Variants in RBFOX1 observed in about 807,000 individuals in gnomAD.
RBFOX1 encodes RNA binding fox-1 homolog 1, also known as RNA binding protein fox-1 homolog 1.
In RBFOX1, 8 loss-of-function variants were observed where a neutral mutation model predicts 57.7. The ratio of observed to expected loss-of-function variants is 0.14; its 90% CI spans 0.08 to 0.25. RBFOX1 has a LOEUF of 0.25. Ranked by LOEUF, RBFOX1 falls within the 10% of genes least tolerant of loss-of-function variation. The probability of loss-of-function intolerance (pLI) is 1.00; values close to 1 mark genes in which losing one functional copy is unlikely to be tolerated. For synonymous variants in RBFOX1, 326 were observed against 222.4 expected (o/e 1.47, Z -4.15); for missense variants, 611 against 548.5 (o/e 1.11, Z -1.14).
chr16:6,476,013 T>G (rs540347243), intron 2 of RBFOX1, among the ~76,000 whole-genome samples: 1 of 152,182 alleles, frequency 6.6e-6, no homozygotes, highest in Non-Finnish European at 1.5e-5. Flanking sequence ...AACCAAACCT[T>G]GATGCTTTTC....
rs150968354 is a variant in RBFOX1 at position 7,006,257 on chromosome 16, C to T, written c.-15-45800C>T. 2.2e-3 allele frequency among the ~76,000 whole-genome samples: 342 copies of T among 152,176 alleles called. 3 individuals are homozygous for T. The highest frequency in any genetic ancestry group is 7.1e-3 in the African/African-American group (296 of 41,524). ...GCATCCTCTGCCTCCGAGGTCCAAG[C>T]GATTCTCCTGTCTCAGCCTCTCGAG... On this transcript the variant is annotated intron_variant, in intron 3 of 15. Coordinates refer to ENST00000550418, the MANE Select transcript of RBFOX1 (RefSeq NM_018723.4).
chr16:6,752,861 C>G (rs1463128576), intron 3 of RBFOX1, among the ~76,000 whole-genome samples: 1 of 150,464 alleles, frequency 6.6e-6, no homozygotes, highest in Non-Finnish European at 1.5e-5. Context: ...GTCAGCCTCT[C>G]TGCTCACATA....
chr16:5,856,603 A>G (rs186031828), intron 3 of RBFOX1, among the ~76,000 whole-genome samples: 2 of 110,684 alleles, frequency 1.8e-5, no homozygotes, highest in African/African-American at 3.2e-5. Context: ...ATATATATAT[A>G]TAATCTTAGC....
chr16:6,393,450 C>T (rs577308759), intron 2 of RBFOX1, among the ~76,000 whole-genome samples: 1 of 152,272 alleles, frequency 6.6e-6, no homozygotes, highest in South Asian at 2.1e-4. Context: ...CCTGCCCAGT[C>T]CCTATAAAAA....
intron 3 of RBFOX1, among the ~76,000 whole-genome samples, chr16:6,665,975 G>C (rs1455974772): frequency 6.6e-6 from 1 of 152,068 alleles, no homozygotes; most frequent in South Asian, 2.1e-4. Flanking sequence ...TGAATCATGG[G>C]TATGGTTTCC....
chr16:6,367,771 A>C (rs545750980), intron 2 of RBFOX1, among the ~76,000 whole-genome samples: 3 of 150,720 alleles, frequency 2.0e-5, no homozygotes, highest in Non-Finnish European at 4.4e-5. Flanking sequence ...AAATAGGGAA[A>C]ATGATGCCAG....
chr16:7,115,202 T>G (rs909511474), intron 4 of RBFOX1, among the ~76,000 whole-genome samples: 2 of 152,146 alleles, frequency 1.3e-5, no homozygotes, highest in African/African-American at 4.8e-5. Context: ...AATTAACTGA[T>G]GAAAATGGAT....
intron 1 of RBFOX1, among the ~76,000 whole-genome samples, chr16:5,452,278 C>G (rs753370244): frequency 2.0e-5 from 3 of 152,042 alleles, no homozygotes; most frequent in Non-Finnish European, 4.4e-5. Flanking sequence ...ACCACCACGC[C>G]CAGCTAATTT....
At chr16:6,849,691 C>CA (rs888962099) in intron 3 of RBFOX1, among the ~76,000 whole-genome samples, 18 of 151,804 alleles carry the variant, frequency 1.2e-4, no homozygotes, top group Admixed American at 5.9e-4. Flanking sequence ...CAAAATAAAA[C>CA]AAAAAAAACT....
intron 3 of RBFOX1, among the ~76,000 whole-genome samples, chr16:5,681,513 G>A (rs1052677864): frequency 1.3e-5 from 2 of 150,602 alleles, no homozygotes; most frequent in Non-Finnish European, 3.0e-5. Flanking sequence ...CTCAGCCTCT[G>A]GAGTAGCTGG....
chr16:5,292,910 A>C (rs958609437), intron 1 of RBFOX1, among the ~76,000 whole-genome samples: 1 of 152,242 alleles, frequency 6.6e-6, no homozygotes, highest in African/African-American at 2.4e-5. Context: ...CGTGTGAGCC[A>C]CTGTGCCCAG....
intron 2 of RBFOX1, among the ~76,000 whole-genome samples, chr16:6,636,949 C>T (rs866796797): frequency 1.7e-5 from 2 of 118,554 alleles, no homozygotes; most frequent in African/African-American, 7.2e-5. Flanking sequence ...ATAAAATATA[C>T]ATAAAATATG....
chr16:7,692,641 A>T (rs8063685), intron 14 of RBFOX1, among the ~76,000 whole-genome samples: 149,023 of 152,304 alleles, frequency 0.98, 73,000 homozygotes, highest in South Asian at 1. Context: ...TAGAACACAT[A>T]ATATCGTGGA....
At chr16:6,503,798 C>T (rs546476022) in intron 2 of RBFOX1, among the ~76,000 whole-genome samples, 2 of 152,270 alleles carry the variant, frequency 1.3e-5, no homozygotes, top group South Asian at 2.1e-4. Context: ...GCTTCACACT[C>T]ACCTGGAAAA....
intron 6 of RBFOX1, among the ~76,000 whole-genome samples, chr16:7,584,246 C>G (rs73488654): frequency 0.023 from 3,553 of 152,236 alleles, 135 homozygotes; most frequent in African/African-American, 0.076. Context: ...TCTAAAAATG[C>G]TTGGTAGGTA....
chr16:6,632,419 G>T (rs1602083481), intron 2 of RBFOX1, among the ~76,000 whole-genome samples: 1 of 152,298 alleles, frequency 6.6e-6, no homozygotes, highest in African/African-American at 2.4e-5. Flanking sequence ...GTTGTCATCA[G>T]TGACTTACCT....
At chr16:5,916,733 C>G (rs1195229078) in intron 4 of RBFOX1, among the ~76,000 whole-genome samples, 1 of 152,114 alleles carries the variant, frequency 6.6e-6, no homozygotes, top group Non-Finnish European at 1.5e-5. Flanking sequence ...ACCCCCCACA[C>G]TAAGCTGCTT....
intron 3 of RBFOX1, among the ~76,000 whole-genome samples, chr16:6,722,344 G>T (rs2066177819): frequency 6.6e-6 from 1 of 152,156 alleles, no homozygotes; most frequent in African/African-American, 2.4e-5. Flanking sequence ...GTTTGTTTTG[G>T]CGGTAGCCTT....
chr16:6,541,633 C>G (rs929712931), intron 2 of RBFOX1, among the ~76,000 whole-genome samples: 3 of 152,170 alleles, frequency 2.0e-5, no homozygotes, highest in Admixed American at 2.0e-4. Flanking sequence ...TTAAAAATCT[C>G]AGTGACACCT....
Sources: allele counts gnomAD v4.1 joint callset (sites outside exome capture counted in the v4.1 genomes callset), GRCh38; gene constraint gnomAD v4.1.1; transcripts MANE v1.5; gene names NCBI Gene and HGNC (gene_info 2026-07-23, HGNC 2026-07-21).